AP2A1: variants seen among roughly 807,000 people sequenced by gnomAD.
The protein encoded by AP2A1 is adaptor related protein complex 2 subunit alpha 1, also known as AP-2 complex subunit alpha-1.
Under a neutral mutation model 107.3 loss-of-function variants are expected in AP2A1, and 21 were observed. The observed-to-expected ratio is 0.20, with a 90% CI of 0.14 to 0.28. AP2A1 has a LOEUF of 0.28. AP2A1 is among the 10% of genes least tolerant of loss of function. The pLI is 1.00. For synonymous variants in AP2A1, 602 were observed against 564.8 expected (o/e 1.07, Z -0.93); for missense variants, 873 against 1,307.7 (o/e 0.67, Z 5.13).
chr19:49,801,644 C>G, intron 13 of AP2A1, 23 bp downstream of exon 13: 1 of 1,560,152 alleles, frequency 6.4e-7, no homozygotes, highest in Non-Finnish European at 8.7e-7. Context: ...TCCCCCCACC[C>G]CACCCCTCTT....
intron 1 of AP2A1, among the ~76,000 whole-genome samples, chr19:49,778,718 G>A (rs1048138844): frequency 6.6e-6 from 1 of 152,164 alleles, no homozygotes; most frequent in African/African-American, 2.4e-5. Flanking sequence ...CCACTGCAGT[G>A]TGTGCGGTTT....
chr19:49,799,928 T>C (rs750478513), intron 10 of AP2A1, 40 bp from the exon 11 acceptor site: 5 of 1,603,372 alleles, frequency 3.1e-6, no homozygotes, highest in Non-Finnish European at 4.3e-6. Flanking sequence ...AAGCCCGACA[T>C]GGCCTGCGGC....
At chr19:49,774,316 C>G (rs2123670179) in intron 1 of AP2A1, among the ~76,000 whole-genome samples, 1 of 152,178 alleles carries the variant, frequency 6.6e-6, no homozygotes. Context: ...TGTTCCGATC[C>G]AGGAGGAAAT....
At chr19:49,796,572 CCTGT>C (rs1240505492) in intron 7 of AP2A1, 1 of 152,306 alleles carries the variant, frequency 6.6e-6, no homozygotes, top group African/African-American at 2.4e-5. Flanking sequence ...GGTGTGCATG[CCTGT>C]CTGTGTGCAT....
Position 49,806,907 on chromosome 19 carries a change from T to C in AP2A1, c.*149T>C. 1 of 1,537,736 alleles carries C rather than the reference T, an allele frequency of 6.5e-7. No individual in the cohort carries two copies. ...GACTTTCCTCCGGCCTTTTGTATTTTTATTTTTGTTCATCTGCTGCTGTTT... is the reference window on the plus strand; with the variant it reads ...GACTTTCCTCCGGCCTTTTGTATTTCTATTTTTGTTCATCTGCTGCTGTTT... On this transcript the variant is annotated 3_prime_UTR_variant, in exon 23 of 23. Transcript: ENST00000354293.
chr19:49,768,990 C>T (rs1436973804), intron 1 of AP2A1, among the ~76,000 whole-genome samples: 1 of 152,176 alleles, frequency 6.6e-6, no homozygotes, highest in Non-Finnish European at 1.5e-5. Flanking sequence ...TGGCTCATGC[C>T]TGTCATCCCA....
At position 49,806,950 on chromosome 19, in the gene AP2A1, G is replaced by C. The variant is rs537181974; in HGVS notation, c.*192G>C. 102 of 1,533,738 alleles carry C rather than the reference G, an allele frequency of 6.7e-5. No homozygotes were observed. In the Middle Eastern group the frequency reaches 1.4e-3, roughly 21 times the overall value. On this transcript the variant is annotated 3_prime_UTR_variant, in exon 23 of 23. Transcript: ENST00000354293. ...TGCTGTTTACATTCTGGGGGGTTAG[G>C]GGGAGTCCCCCTCCCTCCCTTTCCC...
chr19:49,778,803 A>G (rs1374459937), intron 1 of AP2A1, among the ~76,000 whole-genome samples: 2 of 151,982 alleles, frequency 1.3e-5, no homozygotes, highest in Non-Finnish European at 2.9e-5. Flanking sequence ...TAAGTAATAC[A>G]TATATTTAAA....
intron 11 of AP2A1, 72 bp downstream of exon 11, chr19:49,800,222 G>A (rs1389544425): frequency 1.5e-5 from 22 of 1,480,814 alleles, no homozygotes; most frequent in South Asian, 3.8e-5. Context: ...GGCCGGGGCC[G>A]TGGCGCCTGC....
rs114349267 is a variant in AP2A1 at position 49,801,968 on chromosome 19, G to A, written c.1954-13G>A. 1,981 of 1,483,786 alleles carry A rather than the reference G, an allele frequency of 1.3e-3. 23 individuals carry two copies. The African/African-American group carries it at 0.023, about 17-fold the overall frequency. The allele number at this position is 1,483,786 out of a possible 1,614,324, so 91.9% of individuals were successfully genotyped here. On this transcript the variant is annotated splice_polypyrimidine_tract_variant and intron_variant, in intron 14 of 22. Coordinates refer to ENST00000354293, the MANE Select transcript of AP2A1 (RefSeq NM_130787.3). Reference sequence around the variant, plus strand: ...GCGCCGCCTGTCCTCACCGTGACCTGCGCTTCCTACAGTCGACGCCCTCGC... The same window carrying A: ...GCGCCGCCTGTCCTCACCGTGACCTACGCTTCCTACAGTCGACGCCCTCGC...
At chr19:49,804,132 A>T (rs974636101) in intron 18 of AP2A1, 1 of 152,318 alleles carries the variant, frequency 6.6e-6, no homozygotes, top group African/African-American at 2.4e-5. Flanking sequence ...GCTACTCAGG[A>T]GGCTGAGACA....
chr19:49,782,405 G>T (rs1429334654), intron 3 of AP2A1, 126 bp from the exon 4 acceptor site: 8 of 1,059,424 alleles, frequency 7.6e-6, no homozygotes, highest in Non-Finnish European at 9.4e-6. Context: ...GAGGGAGGAG[G>T]GGCCTGGGGG....
In AP2A1 at chr19:49,802,965, A is replaced by T. The variant is rs1431345069; in HGVS notation, c.2131A>T (p.Ile711Phe). 1.9e-6 allele frequency: 3 copies of T among 1,613,152 alleles called. No individual in the cohort carries two copies. In the African/African-American group the frequency reaches 4.0e-5, roughly 22 times the overall value. Reference protein sequence around the residue: ...EAFLSPGPEDIGPPIPEADEL... With the variant: ...EAFLSPGPEDFGPPIPEADEL... ...TGCCTCCAGCCCAGGTCCTGAGGAC[A>T]TCGGCCCTCCCATTCCGGAAGCCGA... The change falls in exon 16 of 23, where the codon ATC (isoleucine) becomes TTC (phenylalanine). Residue 711 changes from isoleucine to phenylalanine, a missense_variant. Transcript: ENST00000354293.
Position 49,801,262 on chromosome 19 carries a change from G to A in AP2A1, c.1554-128G>A, listed in dbSNP as rs1266485394. Reference sequence around the variant, plus strand: ...CTGCGGCCCCTGTCTGGTGCCTGGGGAGGGCCACTCCCCTCCAGCAGCTTG... The same window carrying A: ...CTGCGGCCCCTGTCTGGTGCCTGGGAAGGGCCACTCCCCTCCAGCAGCTTG... On this transcript the variant is annotated intron_variant, in intron 12 of 22. Transcript: ENST00000354293. 3.8e-6 allele frequency: 4 copies of A among 1,052,180 alleles called. No individual in the cohort carries two copies. The Admixed American group carries it at 9.0e-5, about 24-fold the overall frequency. The allele number at this position is 1,052,180 out of a possible 1,614,324, so 65.2% of individuals were successfully genotyped here. A position where few individuals can be genotyped will look rare whatever the true frequency, so the allele number is the denominator to read the frequency against.
intron 1 of AP2A1, among the ~76,000 whole-genome samples, chr19:49,768,511 G>T (rs2084526328): frequency 6.6e-6 from 1 of 152,116 alleles, no homozygotes; most frequent in Non-Finnish European, 1.5e-5. Flanking sequence ...GCCCCAGATG[G>T]AACTTGGCTA....
At chr19:49,797,629 G>A (rs1020841062) in intron 7 of AP2A1, 1 of 152,216 alleles carries the variant, frequency 6.6e-6, no homozygotes. Context: ...AGGAGGCTGA[G>A]ATGGGAAGAT....
At chr19:49,778,583 CAAGAT>C (rs1430340255) in intron 1 of AP2A1, among the ~76,000 whole-genome samples, 2 of 151,886 alleles carry the variant, frequency 1.3e-5, no homozygotes, top group Non-Finnish European at 2.9e-5. Flanking sequence ...AACTGCGTCT[CAAGAT>C]AAAACAAAAA....
chr19:49,792,111 C>T (rs1463485941), intron 5 of AP2A1, 47 bp downstream of exon 5: 1 of 1,590,754 alleles, frequency 6.3e-7, no homozygotes, highest in Non-Finnish European at 8.6e-7. Context: ...GCTCCCACCT[C>T]AGCCCTGACC....
At chr19:49,768,073 G>T (rs2084521729) in intron 1 of AP2A1, among the ~76,000 whole-genome samples, 1 of 152,032 alleles carries the variant, frequency 6.6e-6, no homozygotes, top group Non-Finnish European at 1.5e-5. Flanking sequence ...GGGTTCTGAA[G>T]TGCTTGAGGG....
Sources: gnomAD v4.1 joint callset for allele counts (sites outside exome capture counted in the v4.1 genomes callset) on GRCh38, gnomAD v4.1.1 for gene constraint, MANE v1.5 for transcripts, NCBI Gene and HGNC (gene_info 2026-07-23, HGNC 2026-07-21) for gene names.